The following SPRR2B variants were observed in gnomAD, a reference collection of about 807,000 sequenced individuals.
SPRR2B encodes the protein small proline-rich protein 2B.
A neutral mutation model predicts 1.0 loss-of-function variants in SPRR2B; 1 was observed. The ratio of observed to expected loss-of-function variants is 1.01; its 90% CI spans 0.36 to 4.77. The LOEUF is 4.77. Among genes scored for constraint, SPRR2B ranks in the 30% most tolerant of loss-of-function variants. The pLI is 0.16. For missense variants in SPRR2B, 53 were observed against 88.7 expected (o/e 0.60, Z 1.62); for synonymous variants, 27 against 33.4 (o/e 0.81, Z 0.66).
At chr1:153,079,846 G>A in the SPRR2B span, among the ~76,000 whole-genome samples, 5 of 152,038 alleles carry the variant, frequency 3.3e-5, 1 homozygote, top group Middle Eastern at 0.014. Flanking sequence ...TTGGCAATGC[G>A]GGCTCTTTTT....
intron 1 of SPRR2B, among the ~76,000 whole-genome samples, 200 bp downstream of exon 1, chr1:153,071,369 C>A (rs1042418312): frequency 3.9e-5 from 6 of 152,244 alleles, no homozygotes; most frequent in African/African-American, 7.2e-5. Context: ...CTATTAACTT[C>A]TCTGTCCATA....
intron 1 of SPRR2B, among the ~76,000 whole-genome samples, 85 bp downstream of exon 1, chr1:153,071,484 G>C (rs1014676002): frequency 3.9e-5 from 6 of 152,080 alleles, no homozygotes; most frequent in African/African-American, 1.4e-4. Flanking sequence ...CATGATCATA[G>C]GTTTGAATAC....
At chr1:153,080,218 C>A in the SPRR2B span, among the ~76,000 whole-genome samples, 1 of 151,968 alleles carries the variant, frequency 6.6e-6, no homozygotes, top group African/African-American at 2.4e-5. Flanking sequence ...GTTCATAGGT[C>A]TATAATAAAT....
upstream of SPRR2B, among the ~76,000 whole-genome samples, chr1:153,074,752 T>C (rs1336177110): frequency 6.6e-6 from 1 of 152,236 alleles, no homozygotes; most frequent in Non-Finnish European, 1.5e-5. Context: ...ATTCTCCAAA[T>C]GTTACCTATT....
chr1:153,081,193 G>A, the SPRR2B span, among the ~76,000 whole-genome samples: 1 of 152,122 alleles, frequency 6.6e-6, no homozygotes, highest in African/African-American at 2.4e-5. Flanking sequence ...CAAGAGGGAA[G>A]TGAATCTTCA....
chr1:153,075,481 A>G (rs1435049300), upstream of SPRR2B, among the ~76,000 whole-genome samples: 1 of 152,234 alleles, frequency 6.6e-6, no homozygotes, highest in East Asian at 1.9e-4. Flanking sequence ...AAATCATAAC[A>G]TTGGCCATAA....
the SPRR2B span, among the ~76,000 whole-genome samples, chr1:153,080,176 A>T: frequency 6.6e-6 from 1 of 152,046 alleles, no homozygotes; most frequent in East Asian, 1.9e-4. Flanking sequence ...ACTACAAAAT[A>T]TGCGAAGATA....
chr1:153,079,070 T>C, the SPRR2B span, among the ~76,000 whole-genome samples: 7 of 152,244 alleles, frequency 4.6e-5, no homozygotes, highest in African/African-American at 7.2e-5. Context: ...TGGTGTGAGA[T>C]GGTATCTCAT....
At chr1:153,081,300 A>C in the SPRR2B span, among the ~76,000 whole-genome samples, 1 of 152,244 alleles carries the variant, frequency 6.6e-6, no homozygotes, top group African/African-American at 2.4e-5. Flanking sequence ...TGAAAGCAGC[A>C]AGAGGAAAAT....
the SPRR2B span, among the ~76,000 whole-genome samples, chr1:153,084,928 G>T: frequency 2.9e-3 from 444 of 152,240 alleles, 1 homozygote; most frequent in African/African-American, 0.01. Flanking sequence ...TGAGTGTTGG[G>T]ACCCTAAAAT....
At chr1:153,081,749 A>G in the SPRR2B span, among the ~76,000 whole-genome samples, 1 of 152,156 alleles carries the variant, frequency 6.6e-6, no homozygotes, top group South Asian at 2.1e-4. Flanking sequence ...CACACAATAT[A>G]TAAAGATGTA....
At chr1:153,086,946 C>A in the SPRR2B span, among the ~76,000 whole-genome samples, 1 of 152,126 alleles carries the variant, frequency 6.6e-6, no homozygotes, top group Non-Finnish European at 1.5e-5. Flanking sequence ...CATACAATTA[C>A]TTAGAAATTC....
At chr1:153,080,614 T>A in the SPRR2B span, among the ~76,000 whole-genome samples, 1 of 152,066 alleles carries the variant, frequency 6.6e-6, no homozygotes, top group Non-Finnish European at 1.5e-5. Flanking sequence ...GTGAAAAAAA[T>A]TTGTACAGTA....
At chr1:153,085,020 C>T in the SPRR2B span, among the ~76,000 whole-genome samples, 14 of 152,162 alleles carry the variant, frequency 9.2e-5, no homozygotes, top group Non-Finnish European at 1.0e-4. Flanking sequence ...AATTAAAACC[C>T]ATCCAAATGT....
rs1475478519 is a variant in SPRR2B at position 153,070,497 on chromosome 1, C to T, written c.*124G>A. 2.0e-6 allele frequency: 3 copies of T among 1,502,420 alleles called. No individual in the cohort carries two copies. The highest frequency in any genetic ancestry group is 2.2e-5 in the Admixed American group (1 of 45,698). The allele number at this position is 1,502,420 out of a possible 1,614,324, so 93.1% of individuals were successfully genotyped here. ...GGGAACATCATGGGCAGATCACAGGCTAAGGGGAAAGAAGCTCCCTATGAA... is the reference window on the plus strand; with the variant it reads ...GGGAACATCATGGGCAGATCACAGGTTAAGGGGAAAGAAGCTCCCTATGAA... On this transcript the variant is annotated 3_prime_UTR_variant, in exon 2 of 2. Coordinates refer to ENST00000368755, the MANE Select transcript of SPRR2B (RefSeq NM_001388198.1).
the SPRR2B span, among the ~76,000 whole-genome samples, chr1:153,079,767 G>A: frequency 6.6e-6 from 1 of 152,052 alleles, no homozygotes; most frequent in East Asian, 1.9e-4. Flanking sequence ...GGTTACTGTA[G>A]CCTTGTAGTA....
upstream of SPRR2B, among the ~76,000 whole-genome samples, chr1:153,071,646 A>T (rs1248684239): frequency 6.6e-6 from 1 of 152,202 alleles, no homozygotes; most frequent in Non-Finnish European, 1.5e-5. Flanking sequence ...TTATAGGGCC[A>T]GCTACCCCAC....
upstream of SPRR2B, among the ~76,000 whole-genome samples, chr1:153,076,420 A>G (rs1264512770): frequency 1.3e-5 from 2 of 152,178 alleles, no homozygotes; most frequent in African/African-American, 4.8e-5. Context: ...AGATACTTCT[A>G]CTTGTAAGAA....
upstream of SPRR2B, among the ~76,000 whole-genome samples, chr1:153,074,974 G>A (rs1228045264): frequency 6.6e-6 from 1 of 152,116 alleles, no homozygotes; most frequent in East Asian, 1.9e-4. Context: ...AGAAAACCCT[G>A]ATAATATTCC....
Sources: gnomAD v4.1 joint callset for allele counts (sites outside exome capture counted in the v4.1 genomes callset) on GRCh38, gnomAD v4.1.1 for gene constraint, MANE v1.5 for transcripts, NCBI Gene and HGNC (gene_info 2026-07-23, HGNC 2026-07-21) for gene names.